The following SNTB1 variants were observed in gnomAD, a reference collection of about 807,000 sequenced individuals.
SNTB1 encodes syntrophin beta 1, also known as beta-1-syntrophin.
In SNTB1, 36 loss-of-function variants were observed where a neutral mutation model predicts 48.9. That is an observed-to-expected ratio of 0.74 (90% CI 0.56 to 0.97). The LOEUF (loss-of-function observed/expected upper bound fraction) is 0.97, where lower values mean the gene tolerates loss of function less well. Ranked by LOEUF, SNTB1 falls within the 50% of genes least tolerant of loss-of-function variation. The pLI is 0.00. For missense variants in SNTB1, 786 were observed against 703.4 expected (o/e 1.12, Z -1.33); for synonymous variants, 299 against 294.6 (o/e 1.01, Z -0.15).
chr8:120,611,822 GAAAAAAAAAAAA>G (rs397892337), intron 3 of SNTB1, among the ~76,000 whole-genome samples: 2 of 58,452 alleles, frequency 3.4e-5, no homozygotes, highest in African/African-American at 7.2e-5. Flanking sequence ...ACTCTGTCTC[GAAAAAAAAAAAA>G]AAAAAAAAAA....
intron 2 of SNTB1, among the ~76,000 whole-genome samples, chr8:120,679,153 C>T (rs1817888018): frequency 6.6e-6 from 1 of 152,208 alleles, no homozygotes. Flanking sequence ...ATAGTTCCTG[C>T]ATTATGCTCT....
intron 1 of SNTB1, among the ~76,000 whole-genome samples, chr8:120,739,284 T>A (rs1324459822): frequency 6.6e-6 from 1 of 152,178 alleles, no homozygotes; most frequent in Non-Finnish European, 1.5e-5. Context: ...AAAATCTGCT[T>A]AGTTTCAAGG....
intron 1 of SNTB1, among the ~76,000 whole-genome samples, chr8:120,694,608 T>C (rs1336061949): frequency 6.6e-6 from 1 of 151,436 alleles, no homozygotes; most frequent in Non-Finnish European, 1.5e-5. Flanking sequence ...TCTATATATA[T>C]AGATGTAGAT....
chr8:120,766,609 T>A (rs1819528888), intron 1 of SNTB1, among the ~76,000 whole-genome samples: 2 of 152,220 alleles, frequency 1.3e-5, no homozygotes, highest in African/African-American at 4.8e-5. Context: ...ATGCCAATTA[T>A]ATATTGGCAA....
At chr8:120,595,173 A>C (rs1005390032) in intron 3 of SNTB1, among the ~76,000 whole-genome samples, 1 of 152,138 alleles carries the variant, frequency 6.6e-6, no homozygotes, top group Admixed American at 6.5e-5. Context: ...GAGCAACTCC[A>C]TCTTGAATAG....
chr8:120,665,516 A>G (rs1377007461), intron 2 of SNTB1, among the ~76,000 whole-genome samples: 13 of 152,296 alleles, frequency 8.5e-5, no homozygotes, highest in Admixed American at 8.5e-4. Context: ...CACACTTAGC[A>G]AATATGTTCT....
rs750898299 is a variant in SNTB1, at chr8:120,811,471, T to C, written c.373A>G (p.Ile125Val). 6.2e-7 allele frequency: 1 copy of C among 1,613,956 alleles called. No individual in the cohort carries two copies. Among genetic ancestry groups the C allele is most frequent in the South Asian group, 1.1e-5 (1 of 91,082 alleles). ...TTCTCCTTGCCCCCCTTGATGCTGA[T>C]CCCCAGCCCGCCCAGCTCCTGCTTC... Reference protein sequence around the residue: ...VLKQELGGLGISIKGGKENKM... With the variant: ...VLKQELGGLGVSIKGGKENKM... The change falls in exon 1 of 7, where the codon ATC becomes GTC. Residue 125 changes from isoleucine to valine, a missense_variant. Coordinates refer to ENST00000517992, the MANE Select transcript of SNTB1 (RefSeq NM_021021.4).
At chr8:120,678,812 T>C (rs1817881383) in intron 2 of SNTB1, among the ~76,000 whole-genome samples, 1 of 152,232 alleles carries the variant, frequency 6.6e-6, no homozygotes, top group Admixed American at 6.5e-5. Flanking sequence ...TTGCCACTCT[T>C]TGCCTTGCTC....
In SNTB1 at chr8:120,537,736, G is replaced by GTGCT; in HGVS notation, c.*1137_*1140dup. The GTGCT allele has an allele frequency of 6.6e-6, 1 of 152,332 alleles. No individual in the cohort carries two copies. The highest frequency in any genetic ancestry group is 3.4e-3 in the Middle Eastern group (1 of 294). The allele number at this position is 152,332 out of a possible 1,614,324, so 9.4% of individuals were successfully genotyped here. ...AAAGTAAAAGCATTAAATCAGTAAT[G>GTGCT]TGCTATATAATGTCTGAAAATATTC... is the stretch of plus-strand genomic sequence containing the variant. On this transcript the variant is annotated 3_prime_UTR_variant, in exon 7 of 7. Transcript: ENST00000517992.
chr8:120,799,287 C>T (rs1198902431), intron 1 of SNTB1, among the ~76,000 whole-genome samples: 2 of 151,908 alleles, frequency 1.3e-5, no homozygotes, highest in African/African-American at 4.8e-5. Flanking sequence ...AAAGATGGAA[C>T]AAATCTCAAA....
At chr8:120,734,148 A>C (rs755496152) in intron 1 of SNTB1, among the ~76,000 whole-genome samples, 6 of 152,288 alleles carry the variant, frequency 3.9e-5, no homozygotes, top group African/African-American at 2.4e-5. Flanking sequence ...GCCTGTCACA[A>C]AGTTTTATTT....
Position 120,552,057 on chromosome 8 carries a change from C to A in SNTB1, c.1137-3099G>T, listed in dbSNP as rs140401179. Among the ~76,000 whole-genome samples, 470 of 152,222 alleles carry A rather than the reference C, an allele frequency of 3.1e-3. 5 individuals carry two copies. The highest frequency in any genetic ancestry group is 3.1e-3 in the Non-Finnish European group (208 of 68,018). On this transcript the variant is annotated intron_variant, in intron 4 of 6. Coordinates refer to ENST00000517992, the MANE Select transcript of SNTB1 (RefSeq NM_021021.4). ...CAACTCTGTCACGATCCAGAGCCAG[C>A]ATAAATATATTGTAGAGGCAGAAGC...
intron 1 of SNTB1, among the ~76,000 whole-genome samples, chr8:120,744,101 G>GTGGAA (rs1819086257): frequency 7.2e-6 from 1 of 139,580 alleles, no homozygotes; most frequent in South Asian, 2.5e-4. Flanking sequence ...CTGCACTCAA[G>GTGGAA]CCTGGGTGAC....
At chr8:120,795,880 T>C (rs1426848729) in intron 1 of SNTB1, among the ~76,000 whole-genome samples, 1 of 151,972 alleles carries the variant, frequency 6.6e-6, no homozygotes, top group East Asian at 1.9e-4. Flanking sequence ...CCCCTCCCTA[T>C]GTGCATGAAT....
At position 120,664,640 on chromosome 8, in the gene SNTB1, G is replaced by A. The variant is rs78784841; in HGVS notation, c.788+29052C>T. On this transcript the variant is annotated intron_variant, in intron 2 of 6. Transcript: ENST00000517992. ...GTTTTATGGGTAAGTAATCCATTAC[G>A]TGGATACAGCACTGTTTGTTTATTC... Among the ~76,000 whole-genome samples, 1,412 of 152,276 alleles carry A rather than the reference G, an allele frequency of 9.3e-3. 27 individuals carry two copies. Among genetic ancestry groups the A allele is most frequent in the African/African-American group, 0.032 (1,319 of 41,550 alleles).
At chr8:120,663,160 C>T (rs970363392) in intron 2 of SNTB1, among the ~76,000 whole-genome samples, 33 of 152,198 alleles carry the variant, frequency 2.2e-4, no homozygotes, top group Middle Eastern at 6.8e-3. Context: ...AGCTAAGTGG[C>T]CCTGGAGAAA....
intron 1 of SNTB1, among the ~76,000 whole-genome samples, chr8:120,790,813 G>A (rs78327977): frequency 0.037 from 5,571 of 151,836 alleles, 142 homozygotes; most frequent in South Asian, 0.094. Flanking sequence ...TGGACATACT[G>A]CCCAAAGCAA....
chr8:120,543,980 G>A (rs1342539415), intron 5 of SNTB1, among the ~76,000 whole-genome samples: 2 of 144,792 alleles, frequency 1.4e-5, no homozygotes, highest in African/African-American at 5.2e-5. Flanking sequence ...TTTTGAGACA[G>A]GGGTCTACGC....
At position 120,724,671 on chromosome 8, in the gene SNTB1, G is replaced by A. The variant is rs117660996; in HGVS notation, c.572-30763C>T. Among the ~76,000 whole-genome samples the A allele has an allele frequency of 4.5e-3, 685 of 152,252 alleles. 5 individuals carry two copies. Among genetic ancestry groups the A allele is most frequent in the Admixed American group, 7.4e-3 (113 of 15,296 alleles). On this transcript the variant is annotated intron_variant, in intron 1 of 6. Coordinates refer to ENST00000517992, the MANE Select transcript of SNTB1 (RefSeq NM_021021.4). ...TTGTTTTTGTTGTTTTAATGAAATG[G>A]AAAGCCAGATAAGAAAGATGAGGCT...
Sources: allele counts gnomAD v4.1 joint callset (sites outside exome capture counted in the v4.1 genomes callset), GRCh38; gene constraint gnomAD v4.1.1; transcripts MANE v1.5; gene names NCBI Gene and HGNC (gene_info 2026-07-23, HGNC 2026-07-21).